LINGO2: variants seen among roughly 807,000 people sequenced by gnomAD.
The protein encoded by LINGO2 is leucine-rich repeat and immunoglobulin-like domain-containing nogo receptor-interacting protein 2.
LINGO2 carries 14 observed loss-of-function variants against 30.6 expected under a neutral mutation model. The ratio of observed to expected loss-of-function variants is 0.46; its 90% confidence interval spans 0.30 to 0.72. LINGO2 has a LOEUF of 0.72. Among genes scored for constraint, LINGO2 ranks in the 30% least tolerant of loss-of-function variants. The pLI is 0.07. For missense variants in LINGO2, 729 were observed against 751.7 expected, an observed-to-expected ratio of 0.97 and a Z score of 0.35; for synonymous variants, 317 against 288.5, an observed-to-expected ratio of 1.10 and a Z score of -1.00.
intron 4 of LINGO2, among the ~76,000 whole-genome samples, chr9:28,041,082 A>AG (rs1464070231): frequency 1.3e-5 from 2 of 152,214 alleles, no homozygotes; most frequent in Non-Finnish European, 1.5e-5. Context: ...GTAAAACTGA[A>AG]GGTCTAAAAC....
chr9:28,276,772 G>T (rs572921209), intron 4 of LINGO2, among the ~76,000 whole-genome samples: 1 of 151,904 alleles, frequency 6.6e-6, no homozygotes, highest in Non-Finnish European at 1.5e-5. Context: ...GAGCTACAGG[G>T]GGATAAAATG....
At chr9:28,532,595 T>C (rs1821276208) in intron 1 of LINGO2, among the ~76,000 whole-genome samples, 1 of 152,122 alleles carries the variant, frequency 6.6e-6, no homozygotes, top group South Asian at 2.1e-4. Context: ...TACTTATTCA[T>C]TTGGTGGGGA....
intron 4 of LINGO2, among the ~76,000 whole-genome samples, chr9:28,170,816 C>G (rs1467827087): frequency 2.0e-5 from 3 of 152,198 alleles, no homozygotes; most frequent in Non-Finnish European, 2.9e-5. Context: ...CTGCCTCTCT[C>G]TTCCCTTTAC....
the LINGO2 span, among the ~76,000 whole-genome samples, chr9:29,157,747 G>A: frequency 3.2e-3 from 481 of 152,050 alleles, 1 homozygote; most frequent in Non-Finnish European, 5.3e-3. Flanking sequence ...ATCTCGGCTT[G>A]TATAATACAA....
At chr9:28,440,901 C>T (rs1028312424) in intron 2 of LINGO2, among the ~76,000 whole-genome samples, 1 of 152,040 alleles carries the variant, frequency 6.6e-6, no homozygotes, top group Non-Finnish European at 1.5e-5. Flanking sequence ...TGAAAATGAC[C>T]TAGAGGCATA....
chr9:28,580,300 T>C (rs1824196655), intron 1 of LINGO2, among the ~76,000 whole-genome samples: 1 of 152,032 alleles, frequency 6.6e-6, no homozygotes, highest in South Asian at 2.1e-4. Context: ...AAAGCCACTC[T>C]CTTTACAATT....
intron 1 of LINGO2, among the ~76,000 whole-genome samples, chr9:28,483,216 C>T (rs1222768640): frequency 6.6e-6 from 1 of 152,070 alleles, no homozygotes; most frequent in Admixed American, 6.6e-5. Context: ...TCTAGCTCTT[C>T]ACTACTGTTG....
the LINGO2 span, among the ~76,000 whole-genome samples, chr9:29,029,845 A>G: frequency 1.3e-5 from 2 of 148,336 alleles, no homozygotes; most frequent in Non-Finnish European, 3.0e-5. Flanking sequence ...TATAAATCAT[A>G]TTTAAAAGAA....
intron 5 of LINGO2, among the ~76,000 whole-genome samples, chr9:27,966,561 G>A (rs923509901): frequency 1.3e-5 from 2 of 151,958 alleles, no homozygotes; most frequent in Non-Finnish European, 2.9e-5. Context: ...CCCACACTGG[G>A]GCCTGTCAGG....
At chr9:28,671,535 A>G (rs1425861122), upstream of LINGO2, among the ~76,000 whole-genome samples, 1 of 133,880 alleles carries the variant, frequency 7.5e-6, no homozygotes, top group Non-Finnish European at 1.6e-5. Flanking sequence ...AAAAAAAAAT[A>G]CAGGAACAGA....
chr9:28,955,548 T>A, the LINGO2 span, among the ~76,000 whole-genome samples: 45 of 152,040 alleles, frequency 3.0e-4, no homozygotes, highest in African/African-American at 1.1e-3. Flanking sequence ...AAAAGAGGTG[T>A]CTTGGTGCAT....
the LINGO2 span, among the ~76,000 whole-genome samples, chr9:28,850,922 A>G: frequency 6.6e-6 from 1 of 151,976 alleles, no homozygotes; most frequent in Non-Finnish European, 1.5e-5. Flanking sequence ...TTGTCCTAGG[A>G]TTACTTCTCT....
chr9:28,101,217 T>C (rs1287647588), intron 4 of LINGO2, among the ~76,000 whole-genome samples: 1 of 152,120 alleles, frequency 6.6e-6, no homozygotes, highest in Non-Finnish European at 1.5e-5. Flanking sequence ...TGCTGGCCTA[T>C]TTCTCTTTAT....
intron 3 of LINGO2, among the ~76,000 whole-genome samples, chr9:28,370,448 G>A (rs1820851437): frequency 6.6e-6 from 1 of 151,982 alleles, no homozygotes; most frequent in African/African-American, 2.4e-5. Flanking sequence ...GAATATGAGT[G>A]GAATTCACTG....
At chr9:28,699,806 G>A in the LINGO2 span, among the ~76,000 whole-genome samples, 450 of 152,066 alleles carry the variant, frequency 3.0e-3, 3 homozygotes, top group African/African-American at 1.0e-2. Flanking sequence ...ATGCGGTTGA[G>A]ATGAGGACTG....
At chr9:28,757,241 G>GAATTTTTTTA in the LINGO2 span, among the ~76,000 whole-genome samples, 3 of 152,000 alleles carry the variant, frequency 2.0e-5, 1 homozygote, top group Non-Finnish European at 4.4e-5. Context: ...TTATGACTCA[G>GAATTTTTTTA]ATGTCAATTT....
the LINGO2 span, among the ~76,000 whole-genome samples, chr9:29,116,247 T>C: frequency 6.6e-6 from 1 of 151,978 alleles, no homozygotes; most frequent in Non-Finnish European, 1.5e-5. Context: ...TATAAAAAAT[T>C]ACAAAATATC....
intron 4 of LINGO2, among the ~76,000 whole-genome samples, chr9:28,164,626 AG>A (rs1251981997): frequency 2.0e-5 from 3 of 152,194 alleles, no homozygotes; most frequent in Non-Finnish European, 2.9e-5. Flanking sequence ...AAGGAAGCAA[AG>A]GTCACCTTGA....
chr9:28,039,453 A>G (rs1824099159), intron 4 of LINGO2, among the ~76,000 whole-genome samples: 1 of 152,214 alleles, frequency 6.6e-6, no homozygotes, highest in South Asian at 2.1e-4. Context: ...GGGAAAAAAT[A>G]AAGCTTAACA....
Sources: gnomAD v4.1 joint callset for allele counts (sites outside exome capture counted in the v4.1 genomes callset) on GRCh38, gnomAD v4.1.1 for gene constraint, MANE v1.5 for transcripts, NCBI Gene and HGNC (gene_info 2026-07-23, HGNC 2026-07-21) for gene names.